The following FAM117A variants were observed in gnomAD, a reference collection of about 807,000 sequenced individuals.
FAM117A encodes the protein protein FAM117A.
Under a neutral mutation model 44.1 loss-of-function variants are expected in FAM117A, and 21 were observed. The observed-to-expected ratio is 0.48, with a 90% CI of 0.34 to 0.69. FAM117A has a LOEUF of 0.69. Ranked by LOEUF, FAM117A falls within the 30% of genes least tolerant of loss-of-function variation. FAM117A has a pLI of 0.01. For synonymous variants in FAM117A, 220 were observed against 238.3 expected, an observed-to-expected ratio of 0.92 and a Z score of 0.71; for missense variants, 498 against 589.9, an observed-to-expected ratio of 0.84 and a Z score of 1.61.
Position 49,711,415 on chromosome 17 carries a change from C to T in FAM117A, c.1202G>A (p.Cys401Tyr). The T allele has an allele frequency of 6.2e-7, 1 of 1,613,348 alleles. No individual in the cohort carries two copies. Among genetic ancestry groups the T allele is most frequent in the Non-Finnish European group, 8.5e-7 (1 of 1,179,762 alleles). The change falls in exon 8 of 8, where the codon TGC (cysteine) becomes TAC (tyrosine). Residue 401 changes from cysteine (C) to tyrosine (Y), a missense_variant. Physicochemically the swap from Cys to Tyr is radical, Grantham distance 194. Coordinates refer to ENST00000240364, the MANE Select transcript of FAM117A (RefSeq NM_030802.4). ...FPGMGFIFRN[C>Y]PSNPGSPLPP... ...AAGGGGAGATCCCGGGTTTGAGGGGCAGTTACGGAAGATGAAGCCCATGCC... is the reference window on the plus strand; with the variant it reads ...AAGGGGAGATCCCGGGTTTGAGGGGTAGTTACGGAAGATGAAGCCCATGCC...
intron 7 of FAM117A, among the ~76,000 whole-genome samples, chr17:49,712,277 C>T (rs1040959827): frequency 2.0e-5 from 3 of 152,154 alleles, no homozygotes; most frequent in African/African-American, 7.2e-5. Context: ...ACATTTTGGG[C>T]TGGATGATTC....
At chr17:49,762,592 T>C (rs553754109) in intron 1 of FAM117A, among the ~76,000 whole-genome samples, 1 of 152,322 alleles carries the variant, frequency 6.6e-6, no homozygotes, top group Admixed American at 6.5e-5. Flanking sequence ...ACTTCTGTAA[T>C]AGCCCTGCAG....
rs1332490203 is a variant in FAM117A, at chr17:49,759,531, C to T, written c.196+4361G>A. On this transcript the variant is annotated intron_variant, in intron 1 of 7. Coordinates refer to ENST00000240364, the MANE Select transcript of FAM117A (RefSeq NM_030802.4). ...TAGCTCTTAAAGGGTTTTAACTGCA[C>T]CCCCAGGCCTCATTATAGCAAGATG... is the stretch of plus-strand genomic sequence containing the variant. 2.6e-5 allele frequency among the ~76,000 whole-genome samples: 4 copies of T among 152,168 alleles called. No individual in the cohort carries two copies. The East Asian group carries it at 7.7e-4, about 29-fold the overall frequency.
At chr17:49,785,365 A>G (rs371011400) in intron 1 of FAM117A, among the ~76,000 whole-genome samples, 1 of 152,194 alleles carries the variant, frequency 6.6e-6, no homozygotes, top group Non-Finnish European at 1.5e-5. Context: ...TTTAAAAATT[A>G]GCCAGGCATG....
chr17:49,758,658 TA>T (rs1283275198), intron 1 of FAM117A, among the ~76,000 whole-genome samples: 11 of 146,590 alleles, frequency 7.5e-5, no homozygotes, highest in African/African-American at 2.7e-4. Flanking sequence ...AATAAATAAA[TA>T]AATAAATAAA....
At chr17:49,733,727 T>C (rs549723047) in intron 1 of FAM117A, among the ~76,000 whole-genome samples, 98 of 152,200 alleles carry the variant, frequency 6.4e-4, no homozygotes, top group Middle Eastern at 3.4e-3. Flanking sequence ...TGGTTAAAGC[T>C]TTCTAGAAGG....
intron 1 of FAM117A, among the ~76,000 whole-genome samples, chr17:49,776,559 C>T (rs1224892656): frequency 1.3e-5 from 2 of 152,220 alleles, no homozygotes; most frequent in African/African-American, 2.4e-5. Flanking sequence ...AACTATTCTG[C>T]GAAAGGATTA....
At chr17:49,734,495 G>A (rs2073601696) in intron 1 of FAM117A, among the ~76,000 whole-genome samples, 1 of 152,060 alleles carries the variant, frequency 6.6e-6, no homozygotes, top group South Asian at 2.1e-4. Flanking sequence ...GGGAGGCTGA[G>A]GCAGGAGAAT....
upstream of FAM117A, chr17:49,764,190 T>TA: frequency 1.8e-6 from 1 of 548,158 alleles, no homozygotes. Context: ...ACCGGCCCCC[T>TA]CATCCTAGAG....
At chr17:49,727,735 C>T (rs1319135018) in intron 2 of FAM117A, among the ~76,000 whole-genome samples, 1 of 152,234 alleles carries the variant, frequency 6.6e-6, no homozygotes, top group Admixed American at 6.5e-5. Context: ...TGGAATCTCT[C>T]AGCCTCCAGC....
intron 1 of FAM117A, among the ~76,000 whole-genome samples, chr17:49,780,893 C>T (rs2073787700): frequency 1.3e-5 from 2 of 152,104 alleles, no homozygotes; most frequent in South Asian, 4.1e-4. Flanking sequence ...TGGAATGGCA[C>T]AATCTCGGCT....
chr17:49,754,871 T>A (rs926477400), intron 1 of FAM117A, among the ~76,000 whole-genome samples: 1 of 151,332 alleles, frequency 6.6e-6, no homozygotes, highest in Non-Finnish European at 1.5e-5. Flanking sequence ...AAACCCCATC[T>A]CTACTAAAAA....
At chr17:49,722,968 CTT>C (rs1305373911) in intron 2 of FAM117A, among the ~76,000 whole-genome samples, 1 of 152,198 alleles carries the variant, frequency 6.6e-6, no homozygotes, top group Non-Finnish European at 1.5e-5. Context: ...CACTGGCACT[CTT>C]TATTCTCTCG....
intron 1 of FAM117A, among the ~76,000 whole-genome samples, chr17:49,756,509 A>G (rs530315894): frequency 6.6e-6 from 1 of 152,066 alleles, no homozygotes; most frequent in African/African-American, 2.4e-5. Context: ...TCAGAGTCAG[A>G]AAGGAGGCAC....
chr17:49,758,453 G>A (rs1410475129), intron 1 of FAM117A, among the ~76,000 whole-genome samples: 3 of 151,084 alleles, frequency 2.0e-5, no homozygotes, highest in Admixed American at 6.6e-5. Flanking sequence ...GTGAAACCCC[G>A]TCTCTACTAA....
chr17:49,784,972 T>C (rs1376716246), intron 1 of FAM117A, among the ~76,000 whole-genome samples: 2 of 152,114 alleles, frequency 1.3e-5, no homozygotes, highest in Non-Finnish European at 2.9e-5. Context: ...GTTAAAGAGG[T>C]TGAACAGATA....
intron 1 of FAM117A, among the ~76,000 whole-genome samples, chr17:49,771,221 AT>A (rs1271007064): frequency 2.0e-5 from 3 of 152,328 alleles, no homozygotes; most frequent in African/African-American, 7.2e-5. Context: ...AAATAAATAA[AT>A]AAAGAATAGA....
intron 1 of FAM117A, among the ~76,000 whole-genome samples, chr17:49,769,581 T>C (rs1422268463): frequency 6.6e-6 from 1 of 151,794 alleles, no homozygotes; most frequent in Non-Finnish European, 1.5e-5. Flanking sequence ...GCGCCTGTAG[T>C]CCCAGCTACT....
intron 1 of FAM117A, 135 bp from the exon 2 acceptor site, chr17:49,732,855 G>A (rs1030334388): frequency 3.5e-5 from 33 of 933,970 alleles, no homozygotes; most frequent in Non-Finnish European, 5.1e-5. Flanking sequence ...AAAAGAATTT[G>A]AAGCAGCCTG....
Sources: allele counts gnomAD v4.1 joint callset (sites outside exome capture counted in the v4.1 genomes callset), GRCh38; gene constraint gnomAD v4.1.1; transcripts MANE v1.5; gene names NCBI Gene and HGNC (gene_info 2026-07-23, HGNC 2026-07-21).